Variants in C13orf46 observed in about 807,000 individuals in gnomAD.
The protein encoded by C13orf46 is chromosome 13 open reading frame 46, also known as uncharacterized protein C13orf46.
At chr13:113,967,655 C>T (rs1490152296) in intron 4 of C13orf46, among the ~76,000 whole-genome samples, 1 of 152,174 alleles carries the variant, frequency 6.6e-6, no homozygotes, top group Non-Finnish European at 1.5e-5. Flanking sequence ...CTACTCACCT[C>T]CCATCAGGGC....
the C13orf46 span, among the ~76,000 whole-genome samples, chr13:113,940,637 G>A: frequency 2.2e-3 from 38 of 17,474 alleles, no homozygotes; most frequent in East Asian, 0.012. Context: ...GGTCTCCTCT[G>A]GGACTCCGTG....
At chr13:113,963,229 C>T (rs1277275367) in intron 6 of C13orf46, among the ~76,000 whole-genome samples, 15 of 139,936 alleles carry the variant, frequency 1.1e-4, no homozygotes, top group African/African-American at 3.9e-4. Flanking sequence ...TCAGCCTCGG[C>T]CCCTGTCCTC....
chr13:113,947,647 T>C, the C13orf46 span, among the ~76,000 whole-genome samples: 1 of 152,220 alleles, frequency 6.6e-6, no homozygotes, highest in Non-Finnish European at 1.5e-5. Flanking sequence ...TGGCCCCACC[T>C]GTGCAGCTTC....
At chr13:113,971,820 C>T (rs1566425314) in intron 1 of C13orf46, among the ~76,000 whole-genome samples, 1 of 152,248 alleles carries the variant, frequency 6.6e-6, no homozygotes, top group Admixed American at 6.5e-5. Flanking sequence ...TACCAGTGGT[C>T]AGCAAGGCCC....
At chr13:113,973,040 C>T (rs918425645) in intron 1 of C13orf46, among the ~76,000 whole-genome samples, 2 of 152,344 alleles carry the variant, frequency 1.3e-5, no homozygotes, top group South Asian at 2.1e-4. Flanking sequence ...GCAGGAGGCC[C>T]GGCCCGGTCC....
intron 6 of C13orf46, among the ~76,000 whole-genome samples, chr13:113,961,476 A>G (rs1405826868): frequency 1.3e-5 from 2 of 151,750 alleles, no homozygotes; most frequent in Non-Finnish European, 2.9e-5. Context: ...TGTAATAGAA[A>G]TAACTGTTTT....
the C13orf46 span, among the ~76,000 whole-genome samples, chr13:113,931,380 T>C: frequency 6.6e-6 from 1 of 152,204 alleles, no homozygotes; most frequent in Non-Finnish European, 1.5e-5. Context: ...CACCCCTTCT[T>C]CCATTTGTAG....
At chr13:113,972,520 GCAGCTCCGTGT>G (rs1423771039) in intron 1 of C13orf46, among the ~76,000 whole-genome samples, 1 of 151,756 alleles carries the variant, frequency 6.6e-6, no homozygotes, top group Non-Finnish European at 1.5e-5. Flanking sequence ...GCGCCAGCTC[GCAGCTCCGTGT>G]CAGCCCCTCA....
At chr13:113,961,774 T>G (rs1260570197) in intron 6 of C13orf46, among the ~76,000 whole-genome samples, 1 of 152,252 alleles carries the variant, frequency 6.6e-6, no homozygotes, top group Non-Finnish European at 1.5e-5. Flanking sequence ...GTGCTCTGTG[T>G]GCTCTGTGTG....
At chr13:113,943,699 T>C in the C13orf46 span, among the ~76,000 whole-genome samples, 1 of 152,198 alleles carries the variant, frequency 6.6e-6, no homozygotes, top group Non-Finnish European at 1.5e-5. Flanking sequence ...CTCAGATGGT[T>C]GGGAACCTTA....
At chr13:113,968,782 T>G (rs2052675440) in intron 2 of C13orf46, 22 bp from the exon 3 acceptor site, 1 of 152,258 alleles carries the variant, frequency 6.6e-6, no homozygotes, top group Non-Finnish European at 1.5e-5. Context: ...GCAGGGAAAG[T>G]GGTTTGGAAG....
the C13orf46 span, among the ~76,000 whole-genome samples, chr13:113,936,649 G>A: frequency 6.6e-6 from 1 of 151,982 alleles, no homozygotes; most frequent in Non-Finnish European, 1.5e-5. Context: ...AAAATGCAGA[G>A]ACCAGGGTCT....
the C13orf46 span, among the ~76,000 whole-genome samples, chr13:113,931,693 T>A: frequency 6.6e-6 from 1 of 152,338 alleles, no homozygotes; most frequent in East Asian, 1.9e-4. Flanking sequence ...AATTACGAGA[T>A]AACATTTCCC....
At chr13:113,929,594 C>G in the C13orf46 span, among the ~76,000 whole-genome samples, 1 of 152,252 alleles carries the variant, frequency 6.6e-6, no homozygotes, top group Admixed American at 6.5e-5. Flanking sequence ...GACGAAAGCC[C>G]AGGCTGTGCA....
the C13orf46 span, among the ~76,000 whole-genome samples, chr13:113,939,363 G>A: frequency 2.0e-5 from 3 of 147,962 alleles, no homozygotes; most frequent in Non-Finnish European, 4.4e-5. Flanking sequence ...CCGATGGGGA[G>A]GATGCAGACC....
At position 113,954,931 on chromosome 13, in the gene C13orf46, AGACGAGGAGGAG is replaced by A. The variant is rs2052509895; in HGVS notation, c.*1830_*1841del. 6.1e-6 allele frequency: 1 copy of A among 163,996 alleles called. No individual in the cohort carries two copies. The highest frequency in any genetic ancestry group is 1.9e-4 in the East Asian group (1 of 5,138). The allele number at this position is 163,996 out of a possible 1,614,324, so 10.2% of individuals were successfully genotyped here. A position where few individuals can be genotyped will look rare whatever the true frequency, so the allele number is the denominator to read the frequency against. On this transcript the variant is annotated 3_prime_UTR_variant, in exon 7 of 7. Coordinates refer to ENST00000636427, the MANE Select transcript of C13orf46 (RefSeq NM_001365455.2). ...GGAGACGAGGAGGAGCATCTGGCGG[AGACGAGGAGGAG>A]GATCTGGCGGAGACGAGGAGGAGGA...
chr13:113,961,853 A>G (rs991137751), intron 6 of C13orf46, among the ~76,000 whole-genome samples: 66,662 of 147,748 alleles, frequency 0.45, 16,328 homozygotes, highest in Non-Finnish European at 0.56. Context: ...CTGATGCTAT[A>G]AAGTGTGCAG....
chr13:113,929,036 G>A, the C13orf46 span, among the ~76,000 whole-genome samples: 1 of 152,246 alleles, frequency 6.6e-6, no homozygotes, highest in Non-Finnish European at 1.5e-5. Context: ...GCTCTGCCAA[G>A]TCAGGAGGTA....
At chr13:113,945,539 G>GAGAAAGAA in the C13orf46 span, among the ~76,000 whole-genome samples, 709 of 73,624 alleles carry the variant, frequency 9.6e-3, 29 homozygotes, top group East Asian at 0.093. Flanking sequence ...GCGAGAATCT[G>GAGAAAGAA]AGAAAGAAAG....
Sources: allele counts gnomAD v4.1 joint callset (sites outside exome capture counted in the v4.1 genomes callset), GRCh38; gene constraint gnomAD v4.1.1; transcripts MANE v1.5; gene names NCBI Gene and HGNC (gene_info 2026-07-23, HGNC 2026-07-21).